Variants in ARSJ observed in about 807,000 individuals in gnomAD.
ARSJ encodes the protein arylsulfatase family member J, also known as arylsulfatase J.
ARSJ carries 26 observed loss-of-function variants against 35.9 expected under a neutral mutation model. The ratio of observed to expected loss-of-function variants is 0.72; its 90% CI spans 0.53 to 1.00. The LOEUF is 1.00. ARSJ is among the 50% of genes least tolerant of loss of function. The probability of loss-of-function intolerance (pLI) is 0.00; values close to 1 mark genes in which losing one functional copy is unlikely to be tolerated. For missense variants in ARSJ, 667 were observed against 723.6 expected, an observed-to-expected ratio of 0.92 and a Z score of 0.90; for synonymous variants, 294 against 267.6, an observed-to-expected ratio of 1.10 and a Z score of -0.96.
intron 1 of ARSJ, among the ~76,000 whole-genome samples, chr4:113,938,601 C>T (rs912179927): frequency 2.1e-4 from 32 of 151,996 alleles, no homozygotes; most frequent in Non-Finnish European, 3.5e-4. Context: ...AGTGTACAGG[C>T]AACCTACAGA....
intron 1 of ARSJ, among the ~76,000 whole-genome samples, chr4:113,974,666 T>C (rs1317312017): frequency 6.6e-6 from 1 of 152,066 alleles, no homozygotes; most frequent in African/African-American, 2.4e-5. Context: ...AAAAAGATAA[T>C]ACTAAATGTT....
rs1463223989 is a variant in ARSJ, at chr4:113,903,132, A to G, written c.942T>C (p.Tyr314=). 4 of 1,614,222 alleles carry G rather than the reference A, an allele frequency of 2.5e-6. No homozygotes were observed. The highest frequency in any genetic ancestry group is 3.4e-6 in the Non-Finnish European group (4 of 1,180,038). ...INNVTLALKT[Y]GFYNNSIIIY... ...TGATAATGCTGTTGTTATAGAAACC[A>G]TAAGTCTTTAGAGCCAATGTCACGT... Residue 314 remains tyrosine, a synonymous_variant, in exon 2 of 2, where the codon TAT becomes TAC. Transcript: ENST00000315366.
At position 113,959,824 on chromosome 4, in the gene ARSJ, A is replaced by C. The variant is rs1041700252; in HGVS notation, c.398+18613T>G. On this transcript the variant is annotated intron_variant, in intron 1 of 1. Coordinates refer to ENST00000315366, the MANE Select transcript of ARSJ (RefSeq NM_024590.4). Reference sequence around the variant, plus strand: ...AAAAATGGAATGAAAGTATGGAACAAAATGGCAGAGCTAAAAGTCAGAATA... The same window carrying C: ...AAAAATGGAATGAAAGTATGGAACACAATGGCAGAGCTAAAAGTCAGAATA... Among the ~76,000 whole-genome samples the C allele has an allele frequency of 4.6e-5, 7 of 152,196 alleles. No homozygotes were observed. In the South Asian group the frequency reaches 1.4e-3, roughly 31 times the overall value.
intron 1 of ARSJ, among the ~76,000 whole-genome samples, chr4:113,956,899 T>C (rs1726217423): frequency 6.6e-6 from 1 of 151,968 alleles, no homozygotes. Context: ...GCCAACAGCC[T>C]ATGCTTTTCA....
intron 1 of ARSJ, among the ~76,000 whole-genome samples, chr4:113,959,497 T>C (rs1257441162): frequency 6.6e-6 from 1 of 152,044 alleles, no homozygotes; most frequent in Non-Finnish European, 1.5e-5. Flanking sequence ...GAAGAAAGAA[T>C]TTTTAGCTGT....
chr4:113,938,269 C>T (rs1724898730), intron 1 of ARSJ, among the ~76,000 whole-genome samples: 1 of 151,984 alleles, frequency 6.6e-6, no homozygotes, highest in African/African-American at 2.4e-5. Flanking sequence ...AAAAACCTGA[C>T]AAAAACAAGC....
rs565198570 is a variant in ARSJ at position 113,978,717 on chromosome 4, T to C, written c.118A>G (p.Thr40Ala). The change falls in exon 1 of 2, where the codon ACT becomes GCT. Residue 40 changes from threonine (T) to alanine (A), a missense_variant. Transcript: ENST00000315366. ...LAGFWILCLL[T>A]YGYLSWGQAL... The stretch of plus-strand genomic sequence containing the variant: ...TGGCCCCAGGACAGGTAACCATAAG[T>C]GAGGAGGCAGAGGATCCAGAATCCT... 1 of 1,614,058 alleles carries C rather than the reference T, an allele frequency of 6.2e-7. No homozygotes were observed. Among genetic ancestry groups the C allele is most frequent in the African/African-American group, 1.3e-5 (1 of 74,914 alleles).
chr4:113,902,059 C>T lies in ARSJ; in HGVS notation c.*215G>A, dbSNP rs2099667252. The T allele has an allele frequency of 1.4e-6, 2 of 1,444,872 alleles. No individual in the cohort carries two copies. The highest frequency in any genetic ancestry group is 5.0e-5 in the East Asian group (2 of 40,400). 89.5% of individuals were successfully genotyped at this position (1,444,872 alleles called of 1,614,324 possible). ...CAAGAGAAATAAACATCTCCACTCTCTCTAAGTGTGGCTTGCAAGAGTAGC... is the reference window on the plus strand; with the variant it reads ...CAAGAGAAATAAACATCTCCACTCTTTCTAAGTGTGGCTTGCAAGAGTAGC... On this transcript the variant is annotated 3_prime_UTR_variant, in exon 2 of 2. Coordinates refer to ENST00000315366, the MANE Select transcript of ARSJ (RefSeq NM_024590.4).
In ARSJ at chr4:113,900,294, A is replaced by C. The variant is rs2099666683; in HGVS notation, c.*1980T>G. 6.6e-6 allele frequency: 1 copy of C among 152,216 alleles called. No individual in the cohort carries two copies. The highest frequency in any genetic ancestry group is 1.5e-5 in the Non-Finnish European group (1 of 68,034). 9.4% of individuals were successfully genotyped at this position (152,216 alleles called of 1,614,324 possible). On this transcript the variant is annotated 3_prime_UTR_variant, in exon 2 of 2. Transcript: ENST00000315366. ...CCACCAGGAAAGAAAAACATGAACA[A>C]TATGCCTTTATTTTTAAGACTCATT...
intron 1 of ARSJ, among the ~76,000 whole-genome samples, chr4:113,971,142 A>T (rs1727221580): frequency 1.3e-5 from 2 of 152,166 alleles, no homozygotes; most frequent in Non-Finnish European, 2.9e-5. Context: ...CTCTAATTAT[A>T]TCAAGGTAAA....
intron 1 of ARSJ, among the ~76,000 whole-genome samples, chr4:113,951,397 G>A (rs1234062781): frequency 6.6e-6 from 1 of 152,092 alleles, no homozygotes; most frequent in Non-Finnish European, 1.5e-5. Context: ...CAGTGTGTCA[G>A]TGTCCCTCTT....
chr4:113,909,971 T>A (rs1239080234), intron 1 of ARSJ, among the ~76,000 whole-genome samples: 3 of 152,326 alleles, frequency 2.0e-5, no homozygotes, highest in Non-Finnish European at 2.9e-5. Flanking sequence ...TTGTATAATA[T>A]GAAATTAGTT....
chr4:113,924,622 A>G (rs1378963788), intron 1 of ARSJ, among the ~76,000 whole-genome samples: 3 of 152,140 alleles, frequency 2.0e-5, no homozygotes, highest in Non-Finnish European at 4.4e-5. Context: ...CCTTCATACA[A>G]CCAGAAGTGC....
chr4:113,902,172 C>T lies in ARSJ; in HGVS notation c.*102G>A. ...GCACAGCATGAAAACAAGCCTGACG[C>T]TTAGGCCAGCGATATTATCGAGCCA... is the stretch of plus-strand genomic sequence containing the variant. On this transcript the variant is annotated 3_prime_UTR_variant, in exon 2 of 2. Transcript: ENST00000315366. The T allele has an allele frequency of 6.3e-7, 1 of 1,598,962 alleles. No individual in the cohort carries two copies. Among genetic ancestry groups the T allele is most frequent in the South Asian group, 1.1e-5 (1 of 90,482 alleles).
At chr4:113,942,662 G>A (rs1725231067) in intron 1 of ARSJ, among the ~76,000 whole-genome samples, 1 of 152,050 alleles carries the variant, frequency 6.6e-6, no homozygotes, top group Non-Finnish European at 1.5e-5. Context: ...GTGGTTATGA[G>A]TGATCTTTCC....
intron 1 of ARSJ, among the ~76,000 whole-genome samples, chr4:113,940,279 T>C (rs878881554): frequency 3.9e-5 from 6 of 152,058 alleles, no homozygotes; most frequent in African/African-American, 1.4e-4. Flanking sequence ...GAAAATGTGG[T>C]ACATATACAA....
rs962168822 is a variant in ARSJ, at chr4:113,952,568, A to C, written c.398+25869T>G. Among the ~76,000 whole-genome samples the C allele has an allele frequency of 2.6e-5, 4 of 152,122 alleles. 1 individual carries two copies. In the South Asian group the frequency reaches 8.3e-4, roughly 31 times the overall value. On this transcript the variant is annotated intron_variant, in intron 1 of 1. Coordinates refer to ENST00000315366, the MANE Select transcript of ARSJ (RefSeq NM_024590.4). ...AACTGTTCCTACAGTCTGTTAACCC[A>C]TGAAACCAAGCGCTTTAATACAAGG...
chr4:113,939,598 C>T (rs1458406014), intron 1 of ARSJ, among the ~76,000 whole-genome samples: 1 of 152,070 alleles, frequency 6.6e-6, no homozygotes, highest in Non-Finnish European at 1.5e-5. Flanking sequence ...TTAATGATTG[C>T]CATTCTAACT....
At chr4:113,920,352 T>C (rs1209921548) in intron 1 of ARSJ, among the ~76,000 whole-genome samples, 1 of 152,146 alleles carries the variant, frequency 6.6e-6, no homozygotes, top group Non-Finnish European at 1.5e-5. Flanking sequence ...GTAAAAATCA[T>C]CCAGATCACT....
Sources: allele counts gnomAD v4.1 joint callset (sites outside exome capture counted in the v4.1 genomes callset), GRCh38; gene constraint gnomAD v4.1.1; transcripts MANE v1.5; gene names NCBI Gene and HGNC (gene_info 2026-07-23, HGNC 2026-07-21).